The following TBC1D5 variants were observed in gnomAD, a reference collection of about 807,000 sequenced individuals.
TBC1D5 encodes the protein TBC1 domain family member 5.
In TBC1D5, 75 loss-of-function variants were observed where a neutral mutation model predicts 100.3. The observed-to-expected ratio is 0.75, with a 90% CI of 0.62 to 0.91. TBC1D5 has a LOEUF of 0.91. Ranked by LOEUF, TBC1D5 falls within the 40% of genes least tolerant of loss-of-function variation. The probability of loss-of-function intolerance (pLI) is 0.00; values close to 1 mark genes in which losing one functional copy is unlikely to be tolerated. For synonymous variants in TBC1D5, 323 were observed against 325.6 expected (o/e 0.99, Z 0.09); for missense variants, 910 against 942.4 (o/e 0.97, Z 0.45).
At chr3:17,381,144 T>C (rs118137812) in intron 9 of TBC1D5, among the ~76,000 whole-genome samples, 2,508 of 152,166 alleles carry the variant, frequency 0.016, 53 homozygotes, top group South Asian at 0.047. Context: ...AATTGATAGA[T>C]TTTTGTCTAA....
At chr3:17,332,927 A>G (rs1421891157) in intron 13 of TBC1D5, among the ~76,000 whole-genome samples, 3 of 152,090 alleles carry the variant, frequency 2.0e-5, no homozygotes, top group African/African-American at 7.2e-5. Context: ...CTTCTTGTAG[A>G]GAGTTTTGCT....
intron 16 of TBC1D5, 94 bp downstream of exon 16, chr3:17,258,412 C>T: frequency 8.1e-7 from 1 of 1,231,668 alleles, no homozygotes; most frequent in Non-Finnish European, 1.2e-6. Flanking sequence ...ATGCTAAAAT[C>T]TGGAAAATTG....
At chr3:17,226,401 T>C (rs2074911241) in intron 17 of TBC1D5, among the ~76,000 whole-genome samples, 1 of 151,096 alleles carries the variant, frequency 6.6e-6, no homozygotes, top group African/African-American at 2.4e-5. Context: ...CATTCTAAAA[T>C]ACGCTGCTGT....
At chr3:17,673,877 T>C (rs976879837) in intron 1 of TBC1D5, among the ~76,000 whole-genome samples, 8 of 152,128 alleles carry the variant, frequency 5.3e-5, no homozygotes, top group Non-Finnish European at 8.8e-5. Flanking sequence ...ATTTCAAAAA[T>C]GAACTGAAGG....
intron 1 of TBC1D5, among the ~76,000 whole-genome samples, chr3:17,646,646 A>G (rs2065044651): frequency 6.6e-6 from 1 of 152,138 alleles, no homozygotes; most frequent in African/African-American, 2.4e-5. Context: ...TGTTCACGAA[A>G]TAATCCCCAT....
chr3:17,727,323 G>C (rs1472281193), intron 1 of TBC1D5, among the ~76,000 whole-genome samples: 1 of 152,210 alleles, frequency 6.6e-6, no homozygotes, highest in Non-Finnish European at 1.5e-5. Context: ...AGAGGTTGCA[G>C]TGAGCCAAGA....
chr3:17,401,253 T>C (rs1320000777), intron 8 of TBC1D5, among the ~76,000 whole-genome samples: 1 of 149,988 alleles, frequency 6.7e-6, no homozygotes, highest in African/African-American at 2.4e-5. Flanking sequence ...ATGTGTATAA[T>C]ATACATATAT....
At chr3:17,381,702 T>C (rs898580484) in intron 9 of TBC1D5, among the ~76,000 whole-genome samples, 1 of 152,072 alleles carries the variant, frequency 6.6e-6, no homozygotes, top group Admixed American at 6.6e-5. Context: ...GTTTTTAGTC[T>C]TTCGACTTTT....
intron 3 of TBC1D5, among the ~76,000 whole-genome samples, chr3:17,450,807 C>T (rs1231103286): frequency 1.3e-5 from 2 of 152,156 alleles, no homozygotes; most frequent in Non-Finnish European, 2.9e-5. Context: ...TTGGAAAATA[C>T]ACTTCAGGAT....
intron 19 of TBC1D5, 70 bp from the exon 21 acceptor site, chr3:17,167,898 T>A: frequency 3.5e-6 from 4 of 1,134,470 alleles, no homozygotes; most frequent in Non-Finnish European, 5.0e-6. Context: ...ACATCATAAC[T>A]TCAGACGGGC....
At chr3:17,550,375 T>C (rs2096461891) in intron 2 of TBC1D5, among the ~76,000 whole-genome samples, 1 of 152,220 alleles carries the variant, frequency 6.6e-6, no homozygotes, top group Admixed American at 6.5e-5. Flanking sequence ...AGGATACTGA[T>C]TCCACTGCCT....
intron 2 of TBC1D5, among the ~76,000 whole-genome samples, chr3:17,604,845 T>C (rs558196372): frequency 1.3e-5 from 2 of 152,140 alleles, no homozygotes; most frequent in Admixed American, 6.5e-5. Flanking sequence ...CAGGTAATTT[T>C]TGGTATTTTT....
chr3:17,463,863 C>T (rs1159533555), intron 3 of TBC1D5, among the ~76,000 whole-genome samples: 3 of 151,566 alleles, frequency 2.0e-5, no homozygotes, highest in African/African-American at 7.3e-5. Flanking sequence ...CGTATCTCTT[C>T]TCACAGCTGT....
chr3:17,623,204 T>C (rs2062804691), intron 2 of TBC1D5, among the ~76,000 whole-genome samples: 1 of 152,192 alleles, frequency 6.6e-6, no homozygotes, highest in Non-Finnish European at 1.5e-5. Flanking sequence ...GAAACACAGA[T>C]TCTGACTTAG....
intron 1 of TBC1D5, among the ~76,000 whole-genome samples, chr3:17,647,357 C>A (rs184714517): frequency 4.6e-5 from 7 of 152,166 alleles, no homozygotes; most frequent in African/African-American, 1.4e-4. Flanking sequence ...TAAATATACA[C>A]AAACTCAGAA....
At chr3:17,363,226 C>T (rs1194253809) in intron 13 of TBC1D5, among the ~76,000 whole-genome samples, 1 of 152,054 alleles carries the variant, frequency 6.6e-6, no homozygotes, top group Non-Finnish European at 1.5e-5. Context: ...ATAAAAAACA[C>T]TGTGATAAAC....
At chr3:17,493,263 G>T (rs2095661822) in intron 3 of TBC1D5, among the ~76,000 whole-genome samples, 2 of 150,856 alleles carry the variant, frequency 1.3e-5, no homozygotes, top group East Asian at 3.9e-4. Flanking sequence ...GTTGAATATT[G>T]GCCTCCAATC....
At chr3:17,237,316 T>C (rs1410231592) in intron 17 of TBC1D5, among the ~76,000 whole-genome samples, 1 of 152,180 alleles carries the variant, frequency 6.6e-6, no homozygotes, top group African/African-American at 2.4e-5. Context: ...AGAGTCCTAG[T>C]ACTAAAAATA....
At chr3:17,440,099 C>T (rs755262764) in intron 3 of TBC1D5, among the ~76,000 whole-genome samples, 2 of 152,202 alleles carry the variant, frequency 1.3e-5, no homozygotes, top group African/African-American at 2.4e-5. Context: ...CCCTGACATA[C>T]TTCAGTTTGA....
Sources: gnomAD v4.1 joint callset for allele counts (sites outside exome capture counted in the v4.1 genomes callset) on GRCh38, gnomAD v4.1.1 for gene constraint, MANE v1.5 for transcripts, NCBI Gene and HGNC (gene_info 2026-07-23, HGNC 2026-07-21) for gene names.